Variants in B3GAT3 observed in about 807,000 individuals in gnomAD.
B3GAT3 encodes beta-1,3-glucuronyltransferase 3, also known as galactosylgalactosylxylosylprotein 3-beta-glucuronosyltransferase 3.
B3GAT3 carries 19 observed loss-of-function variants against 33.1 expected under a neutral mutation model. The ratio of observed to expected loss-of-function variants is 0.57; its 90% CI spans 0.40 to 0.84. B3GAT3 has a LOEUF of 0.84. Ranked by LOEUF, B3GAT3 falls within the 40% of genes least tolerant of loss-of-function variation. B3GAT3 has a pLI of 0.00. For synonymous variants in B3GAT3, 167 were observed against 193.5 expected, an observed-to-expected ratio of 0.86 and a Z score of 1.14; for missense variants, 344 against 441.5, an observed-to-expected ratio of 0.78 and a Z score of 1.98.
intron 2 of B3GAT3, among the ~76,000 whole-genome samples, chr11:62,617,825 T>C: frequency 7.0e-6 from 1 of 143,242 alleles, no homozygotes; most frequent in Non-Finnish European, 1.5e-5. Context: ...TGGAGTGAGC[T>C]GAGATCGCAC....
At chr11:62,619,568 G>A (rs573625637) in intron 2 of B3GAT3, among the ~76,000 whole-genome samples, 1 of 149,834 alleles carries the variant, frequency 6.7e-6, no homozygotes, top group East Asian at 2.0e-4. Context: ...TTTTTGAAAT[G>A]GGCTCTCTCT....
At chr11:62,616,449 C>T in intron 4 of B3GAT3, 57 bp downstream of exon 4, 1 of 1,610,474 alleles carries the variant, frequency 6.2e-7, no homozygotes, top group Non-Finnish European at 8.5e-7. Context: ...CACTGTACCT[C>T]CCCCATCACC....
intron 2 of B3GAT3, 76 bp from the exon 3 acceptor site, chr11:62,617,423 C>T (rs907321642): frequency 6.3e-5 from 101 of 1,592,142 alleles, no homozygotes; most frequent in Non-Finnish European, 8.2e-5. Flanking sequence ...GACAGCTTCT[C>T]CTGGGCCACT....
rs774066555 is a variant in B3GAT3, at chr11:62,621,969, C to A, written c.-22G>T. 2 of 1,612,388 alleles carry A rather than the reference C, an allele frequency of 1.2e-6. No individual in the cohort carries two copies. The highest frequency in any genetic ancestry group is 1.1e-5 in the South Asian group (1 of 91,040). On this transcript the variant is annotated 5_prime_UTR_variant, in exon 1 of 5. Coordinates refer to ENST00000265471, the MANE Select transcript of B3GAT3 (RefSeq NM_012200.4). ...TCATGGCCGCGCCGCCGCCCGCGCCCGAGCAGGCGGGGTCTGCAGGGGACG... is the reference window on the plus strand; with the variant it reads ...TCATGGCCGCGCCGCCGCCCGCGCCAGAGCAGGCGGGGTCTGCAGGGGACG...
chr11:62,618,988 A>G (rs1357697629), intron 2 of B3GAT3, among the ~76,000 whole-genome samples: 229 of 144,930 alleles, frequency 1.6e-3, no homozygotes, highest in African/African-American at 5.7e-3. Context: ...ATCTCGGGAA[A>G]AAAAAAAAAA....
At position 62,617,325 on chromosome 11, in the gene B3GAT3, C is replaced by T; in HGVS notation, c.280G>A (p.Val94Ile). 1 of 1,612,918 alleles carries T rather than the reference C, an allele frequency of 6.2e-7. No individual in the cohort carries two copies. The highest frequency in any genetic ancestry group is 8.5e-7 in the Non-Finnish European group (1 of 1,179,994). The change falls in exon 3 of 5, where the codon GTA becomes ATA. Residue 94 changes from valine to isoleucine, a missense_variant. Physicochemically the swap from Val to Ile is conservative, Grantham distance 29. Coordinates refer to ENST00000265471, the MANE Select transcript of B3GAT3 (RefSeq NM_012200.4). Reference sequence around the variant, plus strand: ...AGGCTCAGTGTCTGGGACAGTCGTACCAGCTCTGCCTTCTGTACCAGCCTG... The same window carrying T: ...AGGCTCAGTGTCTGGGACAGTCGTATCAGCTCTGCCTTCTGTACCAGCCTG... ...YARLVQKAEL[V>I]RLSQTLSLVP...
chr11:62,621,365 A>G, intron 1 of B3GAT3: 1 of 455,844 alleles, frequency 2.2e-6, no homozygotes. Context: ...ATCAGGATAG[A>G]GAATAAAAGG....
chr11:62,616,932 A>AACG, intron 3 of B3GAT3, 55 bp downstream of exon 3: 1 of 1,613,766 alleles, frequency 6.2e-7, no homozygotes, highest in Non-Finnish European at 8.5e-7. Context: ...TAACCAAGGT[A>AACG]ACGAATGAAG....
chr11:62,620,405 A>AC (rs1207748265), intron 2 of B3GAT3, 92 bp downstream of exon 2: 12 of 1,218,370 alleles, frequency 9.8e-6, no homozygotes, highest in Non-Finnish European at 1.3e-5. Flanking sequence ...AGTTTGAGGA[A>AC]CAACTCCTAG....
chr11:62,615,973 G>GA (rs1465858491), intron 4 of B3GAT3, 174 bp from the exon 5 acceptor site: 51 of 1,483,870 alleles, frequency 3.4e-5, no homozygotes, highest in Non-Finnish European at 4.4e-5. Context: ...GGCCGGGCGC[G>GA]TGGCTCACGC....
In B3GAT3 at chr11:62,619,504, A is replaced by G. The variant is rs139681969; in HGVS notation, c.257+993T>C. 6.9e-3 allele frequency among the ~76,000 whole-genome samples: 1,056 copies of G among 152,152 alleles called. 10 individuals are homozygous for G. The highest frequency in any genetic ancestry group is 0.024 in the African/African-American group (1,009 of 41,500). On this transcript the variant is annotated intron_variant, in intron 2 of 4. Coordinates refer to ENST00000265471, the MANE Select transcript of B3GAT3 (RefSeq NM_012200.4). Reference sequence around the variant, plus strand: ...ACACACTGTAAGTAACAGCTGGTATAACTATTTCTGGACCCTAGTATGACT... The same window carrying G: ...ACACACTGTAAGTAACAGCTGGTATGACTATTTCTGGACCCTAGTATGACT...
intron 1 of B3GAT3, among the ~76,000 whole-genome samples, chr11:62,621,663 T>A (rs1392423297): frequency 1.3e-5 from 2 of 152,198 alleles, no homozygotes; most frequent in African/African-American, 4.8e-5. Context: ...CCTTGCAGGC[T>A]CTGGGAAGGA....
intron 4 of B3GAT3, chr11:62,616,061 G>A (rs541124317): frequency 9.5e-6 from 10 of 1,049,948 alleles, no homozygotes; most frequent in East Asian, 3.4e-5. Context: ...GGCTAACACC[G>A]TGAAACCCCG....
chr11:62,617,509 T>C, intron 2 of B3GAT3, 162 bp from the exon 3 acceptor site: 1 of 907,860 alleles, frequency 1.1e-6, no homozygotes, highest in East Asian at 2.6e-5. Flanking sequence ...ATGCTAACAC[T>C]CACCTGCCCT....
intron 4 of B3GAT3, chr11:62,616,242 T>C: frequency 2.1e-6 from 1 of 472,690 alleles, no homozygotes; most frequent in Non-Finnish European, 3.8e-6. Context: ...AGACTCTGTC[T>C]GAAAAAAAAA....
In B3GAT3 at chr11:62,616,595, T is replaced by C; in HGVS notation, c.820A>G (p.Thr274Ala). ...CTCTCCAGGTGGCCCCGGGGAGCGG[T>C]GGAATCAAATTGGGCATTGGGCTTA... ...LDKPNAQFDS[T>A]APRGHLESSL... Residue 274 changes from threonine to alanine, a missense_variant, in exon 4 of 5, where the codon ACC becomes GCC. Transcript: ENST00000265471. 6.2e-7 allele frequency: 1 copy of C among 1,613,930 alleles called. No individual in the cohort carries two copies. The highest frequency in any genetic ancestry group is 1.7e-5 in the Admixed American group (1 of 60,018).
Position 62,616,592 on chromosome 11 carries a change from C to T in B3GAT3, c.823G>A (p.Ala275Thr). The T allele has an allele frequency of 1.9e-6, 3 of 1,614,230 alleles. No individual in the cohort carries two copies. Among genetic ancestry groups the T allele is most frequent in the Middle Eastern group, 1.6e-4 (1 of 6,062 alleles). ...DKPNAQFDSTAPRGHLESSLL... is the reference protein window; with the variant it reads ...DKPNAQFDSTTPRGHLESSLL... Reference sequence around the variant, plus strand: ...CTGCTCTCCAGGTGGCCCCGGGGAGCGGTGGAATCAAATTGGGCATTGGGC... The same window carrying T: ...CTGCTCTCCAGGTGGCCCCGGGGAGTGGTGGAATCAAATTGGGCATTGGGC... Residue 275 changes from alanine to threonine, a missense_variant, in exon 4 of 5, where the codon GCT becomes ACT. Coordinates refer to ENST00000265471, the MANE Select transcript of B3GAT3 (RefSeq NM_012200.4).
At chr11:62,618,027 A>G (rs1943067280) in intron 2 of B3GAT3, among the ~76,000 whole-genome samples, 1 of 151,362 alleles carries the variant, frequency 6.6e-6, no homozygotes, top group South Asian at 2.1e-4. Context: ...AATACAAAAA[A>G]TTACCCAGGC....
intron 1 of B3GAT3, chr11:62,621,269 T>C: frequency 2.2e-6 from 1 of 456,586 alleles, no homozygotes; most frequent in Non-Finnish European, 4.4e-6. Context: ...TCATCGAGCT[T>C]TCTGTTTAGT....
Sources: gnomAD v4.1 joint callset for allele counts (sites outside exome capture counted in the v4.1 genomes callset) on GRCh38, gnomAD v4.1.1 for gene constraint, MANE v1.5 for transcripts, NCBI Gene and HGNC (gene_info 2026-07-23, HGNC 2026-07-21) for gene names.